The following TYW1 variants were observed in gnomAD, a reference collection of about 807,000 sequenced individuals.
The protein encoded by TYW1 is tRNA-yW synthesizing protein 1 homolog.
TYW1 carries 46 observed loss-of-function variants against 96.2 expected under a neutral mutation model. That is an observed-to-expected ratio of 0.48 (90% confidence interval 0.38 to 0.61). The LOEUF is 0.61. Among genes scored for constraint, TYW1 ranks in the 20% least tolerant of loss-of-function variants. The pLI is 0.00. For missense variants in TYW1, 684 were observed against 909.6 expected (o/e 0.75, Z 3.19); for synonymous variants, 274 against 323.0 (o/e 0.85, Z 1.63).
intron 11 of TYW1, among the ~76,000 whole-genome samples, chr7:67,092,949 C>T (rs919238688): frequency 3.9e-5 from 6 of 152,004 alleles, no homozygotes; most frequent in Admixed American, 1.3e-4. Flanking sequence ...TCCCAAAGTG[C>T]TGAGATTACA....
Position 67,238,315 on chromosome 7 carries a change from T to C in TYW1, c.1985T>C (p.Ile662Thr), listed in dbSNP as rs1801959179. ...ACATTTTTTTCTTTCCAGTTTAAAA[T>C]TGGTGGTGAATGGTGGACATGGATC... ...CLLIAHRKFK[I>T]GGEWWTWIDY... The change falls in exon 16 of 16, where the codon ATT becomes ACT. Residue 662 changes from isoleucine (I) to threonine (T), a missense_variant. By Grantham distance (89) the Ile-to-Thr change is moderately conservative. Coordinates refer to ENST00000359626, the MANE Select transcript of TYW1 (RefSeq NM_018264.4). 5 of 1,597,538 alleles carry C rather than the reference T, an allele frequency of 3.1e-6. No individual in the cohort carries two copies. Among genetic ancestry groups the C allele is most frequent in the Middle Eastern group, 1.7e-4 (1 of 5,974 alleles).
intron 15 of TYW1, among the ~76,000 whole-genome samples, chr7:67,227,812 G>A (rs1031451849): frequency 8.5e-5 from 13 of 152,170 alleles, no homozygotes; most frequent in Admixed American, 4.6e-4. Context: ...ACCCCTCTGC[G>A]ATAGGACAAC....
At chr7:67,021,454 CAT>C (rs1460475559) in intron 6 of TYW1, among the ~76,000 whole-genome samples, 9 of 152,404 alleles carry the variant, frequency 5.9e-5, no homozygotes, top group Admixed American at 3.3e-4. Context: ...AGCGTTCCCA[CAT>C]GTCTTTCCCT....
At chr7:67,110,672 T>C (rs1300229505) in intron 12 of TYW1, among the ~76,000 whole-genome samples, 2 of 151,954 alleles carry the variant, frequency 1.3e-5, no homozygotes, top group African/African-American at 4.8e-5. Flanking sequence ...CAAACCTGGG[T>C]TGAGAGGTAT....
intron 8 of TYW1, among the ~76,000 whole-genome samples, chr7:67,050,723 T>C (rs979640079): frequency 6.6e-5 from 10 of 152,224 alleles, no homozygotes; most frequent in African/African-American, 2.2e-4. Flanking sequence ...GATTTCATTA[T>C]AGATTTAAAT....
intron 3 of TYW1, among the ~76,000 whole-genome samples, chr7:67,001,043 T>C (rs1299298819): frequency 2.0e-5 from 3 of 151,960 alleles, no homozygotes; most frequent in African/African-American, 2.4e-5. Flanking sequence ...ATGTTACTTA[T>C]AAAAAACCTT....
chr7:67,030,026 C>T (rs1472313126), intron 7 of TYW1, among the ~76,000 whole-genome samples: 1 of 152,196 alleles, frequency 6.6e-6, no homozygotes, highest in Non-Finnish European at 1.5e-5. Flanking sequence ...GGAAGAGACA[C>T]AGAGCTTCTG....
chr7:67,229,136 A>G (rs942339265), intron 15 of TYW1, among the ~76,000 whole-genome samples: 2 of 152,228 alleles, frequency 1.3e-5, no homozygotes, highest in African/African-American at 4.8e-5. Flanking sequence ...TCGTTTGCCT[A>G]AGGCCTCTTG....
intron 7 of TYW1, among the ~76,000 whole-genome samples, chr7:67,032,872 C>G (rs923261175): frequency 7.3e-6 from 1 of 137,284 alleles, no homozygotes; most frequent in African/African-American, 2.8e-5. Context: ...TTTCCAGCAG[C>G]AGAGAAGTAT....
intron 11 of TYW1, among the ~76,000 whole-genome samples, chr7:67,085,928 C>A (rs1478449154): frequency 6.6e-6 from 1 of 151,724 alleles, no homozygotes; most frequent in Non-Finnish European, 1.5e-5. Context: ...TGAGTTCACA[C>A]TCCACTGGAC....
chr7:67,202,519 C>G (rs932247064), intron 15 of TYW1, among the ~76,000 whole-genome samples: 1 of 152,130 alleles, frequency 6.6e-6, no homozygotes, highest in Admixed American at 6.5e-5. Context: ...GCTTAAGCCT[C>G]TCGAGTAGCT....
rs1317946398 is a variant in TYW1 at position 67,238,450 on chromosome 7, G to A, written c.2120G>A (p.Gly707Asp). Reference sequence around the variant, plus strand: ...AGAACTCCTCACTGGGCATTATTTGGTGCCAGTGAAAGAGGCTTTGATCCC... The same window carrying A: ...AGAACTCCTCACTGGGCATTATTTGATGCCAGTGAAAGAGGCTTTGATCCC... ...MARTPHWALF[G>D]ASERGFDPKD... The change falls in exon 16 of 16, where the codon GGT (glycine) becomes GAT (aspartate). Residue 707 changes from glycine (G) to aspartate (D), a missense_variant. By Grantham distance (94) the Gly-to-Asp change is moderately conservative. Coordinates refer to ENST00000359626, the MANE Select transcript of TYW1 (RefSeq NM_018264.4). The A allele has an allele frequency of 4.3e-6, 7 of 1,613,830 alleles. No homozygotes were observed. Among genetic ancestry groups the A allele is most frequent in the African/African-American group, 1.3e-5 (1 of 74,894 alleles).
chr7:67,104,670 C>G (rs1797185306), intron 12 of TYW1, among the ~76,000 whole-genome samples: 2 of 152,258 alleles, frequency 1.3e-5, no homozygotes. Context: ...GTTGTGGATG[C>G]TGTGTAGAAG....
chr7:67,232,498 G>A (rs1402037540), intron 15 of TYW1, among the ~76,000 whole-genome samples: 2 of 149,910 alleles, frequency 1.3e-5, no homozygotes, highest in South Asian at 2.1e-4. Flanking sequence ...CCGAGATTGC[G>A]CCACTGCACT....
intron 9 of TYW1, among the ~76,000 whole-genome samples, chr7:67,057,900 A>G (rs942333669): frequency 2.0e-5 from 3 of 152,152 alleles, no homozygotes; most frequent in African/African-American, 7.2e-5. Flanking sequence ...ACAGTTCACT[A>G]TATCATATTT....
chr7:67,120,015 C>G (rs1290014373), intron 13 of TYW1, among the ~76,000 whole-genome samples: 1 of 152,082 alleles, frequency 6.6e-6, no homozygotes, highest in African/African-American at 2.4e-5. Flanking sequence ...AATCTTCCTG[C>G]CTTGGAAGTG....
intron 11 of TYW1, among the ~76,000 whole-genome samples, chr7:67,086,336 C>G (rs113520637): frequency 2.0e-5 from 3 of 152,046 alleles, no homozygotes; most frequent in Non-Finnish European, 4.4e-5. Flanking sequence ...TTCAAGTAAG[C>G]TATGTGTCTT....
intron 10 of TYW1, among the ~76,000 whole-genome samples, chr7:67,074,275 T>G (rs2115717863): frequency 6.6e-6 from 1 of 152,316 alleles, no homozygotes; most frequent in South Asian, 2.1e-4. Flanking sequence ...TGTCCTAGTT[T>G]TTCTTGTTTC....
chr7:67,153,204 C>T (rs1798857477), intron 13 of TYW1, among the ~76,000 whole-genome samples: 1 of 151,934 alleles, frequency 6.6e-6, no homozygotes, highest in Admixed American at 6.6e-5. Context: ...GCCTGTAATC[C>T]CGGCACTTTG....
Sources: allele counts gnomAD v4.1 joint callset (sites outside exome capture counted in the v4.1 genomes callset), GRCh38; gene constraint gnomAD v4.1.1; transcripts MANE v1.5; gene names NCBI Gene and HGNC (gene_info 2026-07-23, HGNC 2026-07-21).